DHX40: variants seen among roughly 807,000 people sequenced by gnomAD.
DHX40 encodes DEAH-box helicase 40.
A neutral mutation model predicts 89.6 loss-of-function variants in DHX40; 28 were observed. The ratio of observed to expected loss-of-function variants is 0.31; its 90% CI spans 0.23 to 0.43. DHX40 has a LOEUF of 0.43. DHX40 is among the 20% of genes least tolerant of loss of function. The pLI, the probability that DHX40 is intolerant of heterozygous loss-of-function variation, is 1.00. For missense variants in DHX40, 457 were observed against 844.0 expected, an observed-to-expected ratio of 0.54 and a Z score of 5.68; for synonymous variants, 226 against 283.6, an observed-to-expected ratio of 0.80 and a Z score of 2.04.
intron 12 of DHX40, among the ~76,000 whole-genome samples, chr17:59,597,499 G>C (rs2030164798): frequency 6.6e-6 from 1 of 150,810 alleles, no homozygotes; most frequent in Admixed American, 6.6e-5. Context: ...TTGGGAATTG[G>C]ATAAATAAGA....
chr17:59,595,161 A>G (rs1205012596), intron 12 of DHX40, among the ~76,000 whole-genome samples: 1 of 151,382 alleles, frequency 6.6e-6, no homozygotes, highest in African/African-American at 2.4e-5. Flanking sequence ...TCAACTCACC[A>G]CAACCTCTAC....
chr17:59,607,040 A>T lies in DHX40; in HGVS notation c.2208A>T (p.Ile736=). 3 of 1,613,298 alleles carry T rather than the reference A, an allele frequency of 1.9e-6. No homozygotes were observed. In the South Asian group the frequency reaches 3.3e-5, roughly 18 times the overall value. Residue 736 remains isoleucine (I), a synonymous_variant, in exon 18 of 18, where the codon ATA becomes ATT. Coordinates refer to ENST00000251241, the MANE Select transcript of DHX40 (RefSeq NM_024612.5). ...AATTTGTAATGTTTTCAGATGGAATATCGAAAGACGTCTTAAAGAAAATGC... is the reference window on the plus strand; with the variant it reads ...AATTTGTAATGTTTTCAGATGGAATTTCGAAAGACGTCTTAAAGAAAATGC... ...KENVKQLKDG[I]SKDVLKKMQR... is the part of the protein sequence containing the mutation.
Position 59,573,681 on chromosome 17 carries a change from T to C in DHX40, c.547-59T>C. 1.9e-6 allele frequency: 3 copies of C among 1,548,918 alleles called. No homozygotes were observed. The Admixed American group carries it at 5.2e-5, about 27-fold the overall frequency. On this transcript the variant is annotated intron_variant, in intron 4 of 17. Coordinates refer to ENST00000251241, the MANE Select transcript of DHX40 (RefSeq NM_024612.5). ...TCCTTGGTTAGAATAGCAGTGTATCTAAAATAGTTTGGCTGTTAAGTGTAC... is the reference window on the plus strand; with the variant it reads ...TCCTTGGTTAGAATAGCAGTGTATCCAAAATAGTTTGGCTGTTAAGTGTAC...
At chr17:59,576,561 GA>G (rs2048884394) in intron 7 of DHX40, among the ~76,000 whole-genome samples, 1 of 152,006 alleles carries the variant, frequency 6.6e-6, no homozygotes, top group Non-Finnish European at 1.5e-5. Context: ...TGCTATTTTG[GA>G]AATCTTTTTT....
intron 10 of DHX40, among the ~76,000 whole-genome samples, chr17:59,582,367 G>A (rs1163092984): frequency 4.0e-5 from 5 of 124,378 alleles, no homozygotes; most frequent in Middle Eastern, 8.1e-3. Flanking sequence ...GGGGTAGATG[G>A]TATAGGATTC....
At chr17:59,570,494 T>C (rs1344277167) in intron 2 of DHX40, 24 bp from the exon 3 acceptor site, 1 of 1,575,994 alleles carries the variant, frequency 6.3e-7, no homozygotes, top group Non-Finnish European at 8.6e-7. Context: ...CATTGTTGTG[T>C]TTCTTTATCT....
intron 3 of DHX40, among the ~76,000 whole-genome samples, chr17:59,572,748 T>C (rs1159544066): frequency 6.6e-6 from 1 of 152,166 alleles, no homozygotes; most frequent in African/African-American, 2.4e-5. Context: ...ATTTTCTCAT[T>C]TCCCCCGAAT....
In DHX40 at chr17:59,598,820, T is replaced by G; in HGVS notation, c.1666T>G (p.Leu556Val). 2 of 944,066 alleles carry G rather than the reference T, an allele frequency of 2.1e-6. No individual in the cohort carries two copies. The highest frequency in any genetic ancestry group is 2.8e-5 in the South Asian group (2 of 70,638). The allele number at this position is 944,066 out of a possible 1,614,324, so 58.5% of individuals were successfully genotyped here. ...TGGAGGATTTAATGACTTTGCAACTTTAGCTGTCATCTTTGAACAATGCAA... is the reference window on the plus strand; with the variant it reads ...TGGAGGATTTAATGACTTTGCAACTGTAGCTGTCATCTTTGAACAATGCAA... Reference protein sequence around the residue: ...KAGGFNDFATLAVIFEQCKSS... With the variant: ...KAGGFNDFATVAVIFEQCKSS... The change falls in exon 13 of 18, where the codon TTA becomes GTA. Residue 556 changes from leucine to valine, a missense_variant. Coordinates refer to ENST00000251241, the MANE Select transcript of DHX40 (RefSeq NM_024612.5).
At chr17:59,594,349 G>A (rs1056549517) in intron 12 of DHX40, among the ~76,000 whole-genome samples, 11 of 151,874 alleles carry the variant, frequency 7.2e-5, no homozygotes, top group Non-Finnish European at 5.9e-5. Flanking sequence ...CTCGGCAGGG[G>A]CAAGGTATTG....
rs143165826 is a variant in DHX40 at position 59,607,155 on chromosome 17, C to T, written c.2323C>T (p.Arg775Ter). The T allele has an allele frequency of 3.3e-5, 53 of 1,614,068 alleles. No homozygotes were observed. Among genetic ancestry groups the T allele is most frequent in the African/African-American group, 9.3e-5 (7 of 75,002 alleles). Residue 775 changes from arginine (R) to a stop codon, truncating the protein, a stop_gained, in exon 18 of 18, where the codon CGA becomes TGA. Transcript: ENST00000251241. LOFTEE classifies it high-confidence loss of function. ...QQRTQDHSDT[R>*]KETG ...GAGGACCCAGGACCACAGTGACACA[C>T]GAAAGGAAACAGGCTAAGGTGGTGA...
Position 59,607,402 on chromosome 17 carries a change from A to G in DHX40, c.*230A>G. 1 of 755,820 alleles carries G rather than the reference A, an allele frequency of 1.3e-6. No homozygotes were observed. The highest frequency in any genetic ancestry group is 1.7e-5 in the South Asian group (1 of 59,234). 46.8% of individuals were successfully genotyped at this position (755,820 alleles called of 1,614,324 possible). A position where few individuals can be genotyped will look rare whatever the true frequency, so the allele number is the denominator to read the frequency against. ...GTCATAAGCAATGATACATGAAACC[A>G]ATGAAAGACAGTACATGTAATAATA... On this transcript the variant is annotated 3_prime_UTR_variant, in exon 18 of 18. Transcript: ENST00000251241.
At chr17:59,565,903 C>G in intron 1 of DHX40, 120 bp downstream of exon 1, 1 of 870,084 alleles carries the variant, frequency 1.1e-6, no homozygotes, top group Non-Finnish European at 1.6e-6. Flanking sequence ...TGGCGTTCTC[C>G]TGGCTTTCCA....
chr17:59,576,881 G>GT (rs1326404879), intron 7 of DHX40, among the ~76,000 whole-genome samples: 1 of 118,130 alleles, frequency 8.5e-6, no homozygotes, highest in Non-Finnish European at 1.8e-5. Flanking sequence ...TTTTTTTTTT[G>GT]TTTTTTGAGA....
intron 12 of DHX40, among the ~76,000 whole-genome samples, chr17:59,597,971 A>G (rs184147878): frequency 3.4e-5 from 5 of 147,660 alleles, no homozygotes; most frequent in African/African-American, 4.9e-5. Flanking sequence ...GGCTCAAGCG[A>G]TCTTCCCACC....
chr17:59,602,536 A>T lies in DHX40; in HGVS notation c.1821A>T (p.Pro607=), dbSNP rs1425746663. 1 of 1,613,120 alleles carries T rather than the reference A, an allele frequency of 6.2e-7. No homozygotes were observed. Among genetic ancestry groups the T allele is most frequent in the African/African-American group, 1.3e-5 (1 of 74,914 alleles). Residue 607 remains proline, a synonymous_variant, in exon 15 of 18, where the codon CCA becomes CCT. Transcript: ENST00000251241. Reference sequence around the variant, plus strand: ...TCTTTTTATAGCAAAGTGATTTCCCAAAAGAGACCTTTGAAGGCCCTAAAC... The same window carrying T: ...TCTTTTTATAGCAAAGTGATTTCCCTAAAGAGACCTTTGAAGGCCCTAAAC... ...IRKLKQQSDF[P]KETFEGPKHE...
At chr17:59,602,238 C>T (rs2030575843) in intron 14 of DHX40, among the ~76,000 whole-genome samples, 1 of 152,116 alleles carries the variant, frequency 6.6e-6, no homozygotes. Context: ...CTTCCCTGTA[C>T]CTTGGTCTGC....
chr17:59,596,232 GA>G (rs989192104), intron 12 of DHX40, among the ~76,000 whole-genome samples: 8 of 152,136 alleles, frequency 5.3e-5, no homozygotes, highest in African/African-American at 1.9e-4. Flanking sequence ...TCTTCTGGGG[GA>G]TGGCAGTTAG....
intron 14 of DHX40, among the ~76,000 whole-genome samples, chr17:59,600,638 G>T (rs1471810562): frequency 6.6e-6 from 1 of 152,076 alleles, no homozygotes; most frequent in South Asian, 2.1e-4. Context: ...CTTGAGGCCA[G>T]GAGTTCAAGA....
chr17:59,565,859 C>T (rs1320507747), intron 1 of DHX40, 76 bp downstream of exon 1: 2 of 1,282,578 alleles, frequency 1.6e-6, no homozygotes, highest in East Asian at 5.4e-5. Context: ...GAAAGTACGC[C>T]TTTGGCAGGC....
Sources: gnomAD v4.1 joint callset for allele counts (sites outside exome capture counted in the v4.1 genomes callset) on GRCh38, gnomAD v4.1.1 for gene constraint, MANE v1.5 for transcripts, NCBI Gene and HGNC (gene_info 2026-07-23, HGNC 2026-07-21) for gene names.